TOP1MT: variants seen among roughly 807,000 people sequenced by gnomAD.
The protein encoded by TOP1MT is DNA topoisomerase I, mitochondrial.
Under a neutral mutation model 73.9 loss-of-function variants are expected in TOP1MT, and 80 were observed. The ratio of observed to expected loss-of-function variants is 1.08; its 90% CI spans 0.90 to 1.30. The LOEUF (loss-of-function observed/expected upper bound fraction) is 1.30. Among genes scored for constraint, TOP1MT ranks in the 50% most tolerant of loss-of-function variants. The pLI, the probability that TOP1MT is intolerant of heterozygous loss-of-function variation, is 0.00. For missense variants in TOP1MT, 815 were observed against 808.0 expected, an observed-to-expected ratio of 1.01 and a Z score of -0.10; for synonymous variants, 338 against 326.4, an observed-to-expected ratio of 1.04 and a Z score of -0.38.
chr8:143,322,452 AGG>A (rs1816472548), intron 7 of TOP1MT, among the ~76,000 whole-genome samples: 1 of 108,432 alleles, frequency 9.2e-6, no homozygotes, highest in African/African-American at 4.2e-5. Flanking sequence ...CGCCACACAC[AGG>A]CATGCCACAC....
At chr8:143,338,644 G>A (rs1817023410), upstream of TOP1MT, among the ~76,000 whole-genome samples, 1 of 152,116 alleles carries the variant, frequency 6.6e-6, no homozygotes, top group Non-Finnish European at 1.5e-5. Context: ...AGATATAAAA[G>A]GCCAACAATC....
At chr8:143,355,235 C>G (rs1339729354) in intron 1 of TOP1MT, 1 of 152,252 alleles carries the variant, frequency 6.6e-6, no homozygotes, top group East Asian at 1.9e-4. Context: ...CATTAAACAG[C>G]TCCTGCGTTC....
chr8:143,338,909 C>T (rs977253214), upstream of TOP1MT, among the ~76,000 whole-genome samples: 1 of 152,226 alleles, frequency 6.6e-6, no homozygotes, highest in Non-Finnish European at 1.5e-5. Context: ...CCAGGCCACT[C>T]AGGGGTTGCC....
chr8:143,324,105 C>G lies in TOP1MT; in HGVS notation c.854G>C (p.Arg285Pro), dbSNP rs1349108550. 5 of 1,613,848 alleles carry G rather than the reference C, an allele frequency of 3.1e-6. No individual in the cohort carries two copies. The highest frequency in any genetic ancestry group is 1.7e-5 in the Admixed American group (1 of 60,032). ...GATCTCGTCCACAAATCCCCGCAGGCGTCGAGCTGTTTCAAACTTCTGCCA... is the reference window on the plus strand; with the variant it reads ...GATCTCGTCCACAAATCCCCGCAGGGGTCGAGCTGTTTCAAACTTCTGCCA... ...TAWQKFETAR[R>P]LRGFVDEIRS... The change falls in exon 7 of 14, where the codon CGC becomes CCC. Residue 285 changes from arginine to proline, a missense_variant. Arg to Pro is a moderately radical substitution (Grantham distance 103). Coordinates refer to ENST00000329245, the MANE Select transcript of TOP1MT (RefSeq NM_052963.3).
intron 10 of TOP1MT, among the ~76,000 whole-genome samples, 169 bp from the exon 11 acceptor site, chr8:143,316,295 C>T (rs1816161339): frequency 6.6e-6 from 1 of 152,200 alleles, no homozygotes; most frequent in Admixed American, 6.5e-5. Context: ...AAGGTGGCCT[C>T]GAGAGCAGGG....
intron 8 of TOP1MT, among the ~76,000 whole-genome samples, chr8:143,319,934 G>A (rs1391159145): frequency 1.3e-5 from 2 of 151,850 alleles, no homozygotes; most frequent in Non-Finnish European, 1.5e-5. Context: ...CACCAGCCTG[G>A]CCAACATGGT....
intron 12 of TOP1MT, among the ~76,000 whole-genome samples, chr8:143,312,451 G>A (rs758290059): frequency 4.6e-5 from 7 of 151,934 alleles, no homozygotes; most frequent in East Asian, 1.9e-4. Context: ...ATCAATATAA[G>A]GAAGGGACAA....
rs371082314 is a variant in TOP1MT, at chr8:143,353,809, CA to C, written c.-39+2155del. Among the ~76,000 whole-genome samples the C allele has an allele frequency of 2.0e-3, 299 of 150,776 alleles. 3 individuals carry two copies. Among genetic ancestry groups the C allele is most frequent in the African/African-American group, 6.7e-3 (275 of 40,804 alleles). On this transcript the variant is annotated intron_variant, in intron 1 of 5. Coordinates refer to the TOP1MT transcript ENST00000518760. Reference sequence around the variant, plus strand: ...TGAAACCCCGTCTCTACTAAAAATACAAAAATTAGCCAGGCGTGGTGGCGGG... The same window carrying C: ...TGAAACCCCGTCTCTACTAAAAATACAAAATTAGCCAGGCGTGGTGGCGGG...
intron 13 of TOP1MT, 101 bp from the exon 14 acceptor site, chr8:143,309,644 A>G: frequency 6.4e-7 from 1 of 1,562,794 alleles, no homozygotes; most frequent in Non-Finnish European, 8.6e-7. Flanking sequence ...TGCAGCAGAG[A>G]CACCAGAGCC....
Position 143,317,725 on chromosome 8 carries a change from CG to C in TOP1MT, c.1327del (p.Arg443AlafsTer6), listed in dbSNP as rs776174837. On this transcript the variant is annotated frameshift_variant, in exon 10 of 14. Transcript: ENST00000329245. LOFTEE classifies it high-confidence loss of function. ...GTGTGGGTGTGGGGCAGGCTCACCG[CG>C]CGTCAGGGCCCGCAGCTGCTCCTGC... The part of the protein sequence containing the change: ...TLQEQLRALT[R>X]AEDSIAAKIL... 5 of 1,613,212 alleles carry C rather than the reference CG, an allele frequency of 3.1e-6. No homozygotes were observed. In the African/African-American group the frequency reaches 6.7e-5, roughly 21 times the overall value.
intron 2 of TOP1MT, among the ~76,000 whole-genome samples, chr8:143,330,158 C>T (rs1413566778): frequency 7.9e-5 from 12 of 152,252 alleles, no homozygotes; most frequent in African/African-American, 1.2e-4. Context: ...GGACGAGAGG[C>T]CCAGAGACCA....
chr8:143,315,631 GACA>G (rs1816136855), intron 12 of TOP1MT, 93 bp downstream of exon 12: 4 of 873,592 alleles, frequency 4.6e-6, no homozygotes, highest in Non-Finnish European at 5.5e-6. Flanking sequence ...CGCACAAGGA[GACA>G]ACAAGGGTCG....
At chr8:143,326,574 C>T (rs1247140184) in intron 3 of TOP1MT, among the ~76,000 whole-genome samples, 1 of 152,184 alleles carries the variant, frequency 6.6e-6, no homozygotes, top group Admixed American at 6.5e-5. Context: ...GGTGGGGCAG[C>T]GGAGGGCACA....
intron 10 of TOP1MT, 64 bp downstream of exon 10, chr8:143,317,659 G>T: frequency 2.1e-6 from 3 of 1,449,066 alleles, no homozygotes; most frequent in South Asian, 1.2e-5. Context: ...GCCAGCCGGG[G>T]AGCCCGGTCT....
In TOP1MT at chr8:143,326,230, C is replaced by T. The variant is rs1343856546; in HGVS notation, c.475G>A (p.Glu159Lys). ...GCTCGAGGCAGCCCAACCTGCTTCT[C>T]CTCCCTGCTCAGGACTTTCCGGGCT... ...AAARKVLSRE[E>K]KQKLKEEAEK... The change falls in exon 4 of 14, where the codon GAG becomes AAG. Residue 159 changes from glutamate to lysine, a missense_variant. Physicochemically the swap from Glu to Lys is moderately conservative, Grantham distance 56. Transcript: ENST00000329245. 5.0e-6 allele frequency: 8 copies of T among 1,613,894 alleles called. No individual in the cohort carries two copies. The highest frequency in any genetic ancestry group is 6.8e-6 in the Non-Finnish European group (8 of 1,180,012).
At chr8:143,315,690 G>A (rs923474882) in intron 12 of TOP1MT, 37 bp downstream of exon 12, 17 of 1,569,008 alleles carry the variant, frequency 1.1e-5, no homozygotes, top group African/African-American at 5.4e-5. Context: ...TTGGGACAGG[G>A]CCCCGGGAGA....
Position 143,309,374 on chromosome 8 carries a change from C to G in TOP1MT, c.*67G>C, listed in dbSNP as rs1241827467. 5 of 1,530,296 alleles carry G rather than the reference C, an allele frequency of 3.3e-6. No individual in the cohort carries two copies. The highest frequency in any genetic ancestry group is 3.5e-5 in the Admixed American group (2 of 57,748). 94.8% of individuals were successfully genotyped at this position (1,530,296 alleles called of 1,614,324 possible). A position where few individuals can be genotyped will look rare whatever the true frequency, so the allele number is the denominator to read the frequency against. On this transcript the variant is annotated 3_prime_UTR_variant, in exon 14 of 14. Transcript: ENST00000329245. ...GCACACATTTTATTGTACAAAATTC[C>G]CCAGTACTGCTTTAATAGTGAAAAA...
chr8:143,348,697 G>C (rs111427213), upstream of TOP1MT, among the ~76,000 whole-genome samples: 305 of 152,316 alleles, frequency 2.0e-3, 1 homozygote, highest in African/African-American at 7.0e-3. This position sits in a 1 kb window ranked among gnomAD's most constrained non-coding sequence, Gnocchi z 4.6. Flanking sequence ...GGGAGAGTCA[G>C]AGACTGGATT....
upstream of TOP1MT, among the ~76,000 whole-genome samples, chr8:143,337,858 TATCTACAG>T: frequency 6.6e-6 from 1 of 152,318 alleles, no homozygotes; most frequent in Non-Finnish European, 1.5e-5. Context: ...TCGCTTCTGT[TATCTACAG>T]ATTCCAGACT....
Sources: gnomAD v4.1 joint callset for allele counts (sites outside exome capture counted in the v4.1 genomes callset) on GRCh38, gnomAD v4.1.1 for gene constraint, Gnocchi (gnomAD v3.1) non-coding constraint, MANE v1.5 for transcripts, NCBI Gene and HGNC (gene_info 2026-07-23, HGNC 2026-07-21) for gene names.